B4GALNT3: variants seen among roughly 807,000 people sequenced by gnomAD.
B4GALNT3 encodes beta-1,4-N-acetyl-galactosaminyltransferase 3.
A neutral mutation model predicts 120.2 loss-of-function variants in B4GALNT3; 86 were observed. The observed-to-expected ratio is 0.72, with a 90% CI of 0.60 to 0.86. The LOEUF (loss-of-function observed/expected upper bound fraction) is 0.86. Ranked by LOEUF, B4GALNT3 falls within the 40% of genes least tolerant of loss-of-function variation. B4GALNT3 has a pLI of 0.00. For missense variants in B4GALNT3, 1,167 were observed against 1,298.9 expected, an observed-to-expected ratio of 0.90 and a Z score of 1.56; for synonymous variants, 518 against 510.4, an observed-to-expected ratio of 1.01 and a Z score of -0.20.
intron 1 of B4GALNT3, among the ~76,000 whole-genome samples, chr12:486,115 A>T (rs1946288314): frequency 6.6e-6 from 1 of 152,130 alleles, no homozygotes; most frequent in African/African-American, 2.4e-5. Context: ...GAGCCTACCA[A>T]GTCCTCCCTG....
At chr12:539,288 C>T (rs1946891786) in intron 3 of B4GALNT3, among the ~76,000 whole-genome samples, 1 of 152,180 alleles carries the variant, frequency 6.6e-6, no homozygotes, top group African/African-American at 2.4e-5. Context: ...TAACAAACCC[C>T]AGTGCCAATC....
chr12:480,073 C>A (rs191705552), intron 1 of B4GALNT3, among the ~76,000 whole-genome samples: 6 of 151,990 alleles, frequency 3.9e-5, no homozygotes. Flanking sequence ...GCCACCACCC[C>A]CTGGATAATT....
intron 14 of B4GALNT3, chr12:555,174 T>C (rs981994582): frequency 6.6e-5 from 22 of 334,948 alleles, no homozygotes; most frequent in Middle Eastern, 8.0e-4. Context: ...TGAGACTCTG[T>C]CTCAAAAAAA....
At chr12:553,149 G>A in intron 13 of B4GALNT3, 45 bp from the exon 14 acceptor site, 1 of 1,594,032 alleles carries the variant, frequency 6.3e-7, no homozygotes, top group Non-Finnish European at 8.6e-7. Context: ...TGTTTGGAAA[G>A]GGTTGGAAAC....
chr12:462,003 A>T (rs1202874236), intron 1 of B4GALNT3, among the ~76,000 whole-genome samples: 1 of 152,118 alleles, frequency 6.6e-6, no homozygotes, highest in Non-Finnish European at 1.5e-5. Context: ...TCAGCACATC[A>T]CCAGGAAGCC....
chr12:538,376 G>T (rs912810640), intron 3 of B4GALNT3, among the ~76,000 whole-genome samples: 1 of 151,628 alleles, frequency 6.6e-6, no homozygotes, highest in Non-Finnish European at 1.5e-5. Context: ...GGGCAACATG[G>T]TGAGACCTTG....
chr12:561,292 C>A, intron 19 of B4GALNT3, 51 bp from the exon 20 acceptor site: 1 of 1,481,886 alleles, frequency 6.7e-7, no homozygotes, highest in Non-Finnish European at 9.4e-7. Context: ...GAGGGGCCCC[C>A]CAGCTGCCTT....
At chr12:556,237 TTTTATTGAGG>T (rs1420542440) in intron 14 of B4GALNT3, among the ~76,000 whole-genome samples, 3 of 152,196 alleles carry the variant, frequency 2.0e-5, no homozygotes, top group African/African-American at 7.2e-5. Flanking sequence ...ATTCGACCGT[TTTTATTGAGG>T]GTCAGTTTCT....
chr12:524,087 C>T (rs1022224610), intron 1 of B4GALNT3, among the ~76,000 whole-genome samples: 9 of 152,084 alleles, frequency 5.9e-5, no homozygotes, highest in Non-Finnish European at 1.0e-4. Context: ...AAACACACAT[C>T]GGATAGACTG....
intron 1 of B4GALNT3, among the ~76,000 whole-genome samples, chr12:482,638 C>T (rs1946252713): frequency 6.6e-6 from 1 of 152,104 alleles, no homozygotes; most frequent in Non-Finnish European, 1.5e-5. Context: ...GTCGTTATTT[C>T]CGGTGAGAGA....
chr12:552,283 C>T, intron 12 of B4GALNT3, 120 bp downstream of exon 12: 1 of 836,548 alleles, frequency 1.2e-6, no homozygotes, highest in South Asian at 1.5e-5. Flanking sequence ...TCTTGCTCTT[C>T]CTGAGTACTA....
chr12:482,891 A>G (rs1946254718), intron 1 of B4GALNT3, among the ~76,000 whole-genome samples: 1 of 152,130 alleles, frequency 6.6e-6, no homozygotes, highest in African/African-American at 2.4e-5. Flanking sequence ...GAAAGTGTAC[A>G]CAGGTGTTAT....
intron 1 of B4GALNT3, among the ~76,000 whole-genome samples, chr12:471,005 A>G (rs532717563): frequency 1.3e-5 from 2 of 152,166 alleles, no homozygotes; most frequent in African/African-American, 4.8e-5. Flanking sequence ...CTGGGATTAC[A>G]GGCGTGAGCC....
In B4GALNT3 at chr12:548,426, G is replaced by C. The variant is rs1947035148; in HGVS notation, c.853+129G>C. 1 of 825,958 alleles carries C rather than the reference G, an allele frequency of 1.2e-6. No individual in the cohort carries two copies. Among genetic ancestry groups the C allele is most frequent in the African/African-American group, 1.7e-5 (1 of 59,192 alleles). 51.2% of individuals were successfully genotyped at this position (825,958 alleles called of 1,614,324 possible). ...GAGATGCTTGGGACACGGGTATGAA[G>C]GGGTCCAGAACAAGAGTGGGACCTT... On this transcript the variant is annotated intron_variant, in intron 9 of 19. Coordinates refer to ENST00000266383, the MANE Select transcript of B4GALNT3 (RefSeq NM_173593.4). This position sits in a 1 kb window ranked among gnomAD's most constrained non-coding sequence, Gnocchi z 4.9.
At chr12:488,526 T>C (rs1946311930) in intron 1 of B4GALNT3, among the ~76,000 whole-genome samples, 1 of 152,226 alleles carries the variant, frequency 6.6e-6, no homozygotes, top group Non-Finnish European at 1.5e-5. Flanking sequence ...AAGAGATGAA[T>C]AGGCAGAATT....
rs201619409 is a variant in B4GALNT3, at chr12:556,800, C to T, written c.2314C>T (p.Pro772Ser). The change falls in exon 15 of 20, where the codon CCC becomes TCC. Residue 772 changes from proline to serine, a missense_variant. Physicochemically the swap from Pro to Ser is moderately conservative, Grantham distance 74. Coordinates refer to ENST00000266383, the MANE Select transcript of B4GALNT3 (RefSeq NM_173593.4). ...GGTCCTGAATACCCGGGCCCAAGAG[C>T]CCAAGCTGTGCTGGCCTCAGGGTTT... Reference protein sequence around the residue: ...RQVLNTRAQEPKLCWPQGFSW... With the variant: ...RQVLNTRAQESKLCWPQGFSW... 37 of 1,613,854 alleles carry T rather than the reference C, an allele frequency of 2.3e-5. No individual in the cohort carries two copies. Among genetic ancestry groups the T allele is most frequent in the Non-Finnish European group, 2.4e-5 (28 of 1,180,024 alleles).
chr12:544,684 T>C (rs964440700), intron 4 of B4GALNT3, among the ~76,000 whole-genome samples, 198 bp from the exon 5 acceptor site: 1 of 152,190 alleles, frequency 6.6e-6, no homozygotes, highest in Non-Finnish European at 1.5e-5. Flanking sequence ...CCATGTACAG[T>C]TGTGCTGGTT....
At position 547,070 on chromosome 12, in the gene B4GALNT3, G is replaced by A. The variant is rs544782203; in HGVS notation, c.707+357G>A. On this transcript the variant is annotated intron_variant, in intron 7 of 19. Transcript: ENST00000266383. ...CCCCCTCGGTCGTCTGGGGACACGA[G>A]TCCCTTTCCCTTGCGGGGAGGGAGC... Among the ~76,000 whole-genome samples, 415 of 152,344 alleles carry A rather than the reference G, an allele frequency of 2.7e-3. 1 individual carries two copies. The highest frequency in any genetic ancestry group is 4.3e-3 in the Non-Finnish European group (294 of 68,030).
chr12:556,553 C>T lies in B4GALNT3; in HGVS notation c.2067C>T (p.Tyr689=). The part of the protein sequence containing the change: ...KKLNQRSRGR[Y]QLQRIVNVEK... Reference sequence around the variant, plus strand: ...CCCACACTTTCTGCCATAGGAGGTACCAGCTACAGCGCATTGTGAACGTGG... The same window carrying T: ...CCCACACTTTCTGCCATAGGAGGTATCAGCTACAGCGCATTGTGAACGTGG... Residue 689 remains tyrosine, a synonymous_variant, in exon 15 of 20, where the codon TAC becomes TAT. Transcript: ENST00000266383. 1.9e-6 allele frequency: 3 copies of T among 1,610,598 alleles called. No homozygotes were observed. The highest frequency in any genetic ancestry group is 2.5e-6 in the Non-Finnish European group (3 of 1,177,230).
Sources: gnomAD v4.1 joint callset for allele counts (sites outside exome capture counted in the v4.1 genomes callset) on GRCh38, gnomAD v4.1.1 for gene constraint, Gnocchi (gnomAD v3.1) non-coding constraint, MANE v1.5 for transcripts, NCBI Gene and HGNC (gene_info 2026-07-23, HGNC 2026-07-21) for gene names.